NINL: variants seen among roughly 807,000 people sequenced by gnomAD.
The protein encoded by NINL is ninein-like protein.
A neutral mutation model predicts 160.3 loss-of-function variants in NINL; 153 were observed. The observed-to-expected ratio is 0.95, with a 90% confidence interval of 0.84 to 1.09. The LOEUF (loss-of-function observed/expected upper bound fraction) is 1.09, where lower values mean the gene tolerates loss of function less well. Ranked by LOEUF, NINL falls within the 50% of genes least tolerant of loss-of-function variation. The probability of loss-of-function intolerance (pLI) is 0.00; values close to 1 mark genes in which losing one functional copy is unlikely to be tolerated. For synonymous variants in NINL, 800 were observed against 734.8 expected (o/e 1.09, Z -1.43); for missense variants, 1,829 against 1,764.0 (o/e 1.04, Z -0.66).
At chr20:25,472,324 G>GATAGAT (rs1555845880) in intron 17 of NINL, among the ~76,000 whole-genome samples, 7 of 83,982 alleles carry the variant, frequency 8.3e-5, no homozygotes, top group Non-Finnish European at 1.6e-4. Context: ...GGGAGGAGAG[G>GATAGAT]ATATATATAT....
At chr20:25,568,818 G>A (rs978627495) in intron 1 of NINL, among the ~76,000 whole-genome samples, 31 of 152,040 alleles carry the variant, frequency 2.0e-4, no homozygotes, top group African/African-American at 6.5e-4. Flanking sequence ...TGAGTGTGGT[G>A]GCTCATCCCT....
At position 25,569,184 on chromosome 20, in the gene NINL, C is replaced by T. The variant is rs186516851; in HGVS notation, c.-12+16271G>A. Among the ~76,000 whole-genome samples the T allele has an allele frequency of 3.5e-3, 528 of 148,760 alleles. 4 individuals carry two copies. Among genetic ancestry groups the T allele is most frequent in the African/African-American group, 0.013 (505 of 40,342 alleles). On this transcript the variant is annotated intron_variant, in intron 1 of 23. Coordinates refer to ENST00000278886, the MANE Select transcript of NINL (RefSeq NM_025176.6). ...TGGAGGTTGCAGTGAGCCAGGATAG[C>T]GCCACTACACTCCAGCCTGGGTGAC... is the stretch of plus-strand genomic sequence containing the variant.
chr20:25,574,623 G>A (rs916565649), intron 1 of NINL, among the ~76,000 whole-genome samples: 2 of 152,148 alleles, frequency 1.3e-5, no homozygotes, highest in Admixed American at 1.3e-4. Flanking sequence ...CCTCCTGTTG[G>A]ACCTTCTGGG....
At chr20:25,562,735 A>G (rs929618068) in intron 1 of NINL, among the ~76,000 whole-genome samples, 8 of 151,250 alleles carry the variant, frequency 5.3e-5, no homozygotes, top group Non-Finnish European at 1.2e-4. Flanking sequence ...GACCCTGCCA[A>G]ATCCCCCTCT....
At chr20:25,568,383 T>C (rs928507930) in intron 1 of NINL, among the ~76,000 whole-genome samples, 1 of 151,672 alleles carries the variant, frequency 6.6e-6, no homozygotes, top group African/African-American at 2.4e-5. Context: ...AATTCAACAG[T>C]TTAGATTAAA....
In NINL at chr20:25,489,314, T is replaced by C. The variant is rs1297243272; in HGVS notation, c.1607A>G (p.Gln536Arg). The C allele has an allele frequency of 3.7e-6, 6 of 1,613,830 alleles. No homozygotes were observed. The highest frequency in any genetic ancestry group is 5.1e-6 in the Non-Finnish European group (6 of 1,179,978). Residue 536 changes from glutamine to arginine, a missense_variant, in exon 13 of 24, where the codon CAG (glutamine) becomes CGG (arginine). Gln to Arg is a conservative substitution (Grantham distance 43). Transcript: ENST00000278886. ...CTCCTGGGCCAGGAGCTCTGCACTC[T>C]GTGGCTCCAGCTGAAAGGCAGACAC... ...EFVLKDKLEPQSAELLAQEER... is the reference protein window; with the variant it reads ...EFVLKDKLEPRSAELLAQEER...
rs1363352632 is a variant in NINL, at chr20:25,571,425, T to C, written c.-12+14030A>G. ...CTCCTCGAAGGAGCCTGCTGGGAGG[T>C]TGTGATAAGAGAACTCAGTGCACAC... On this transcript the variant is annotated intron_variant, in intron 1 of 23. Transcript: ENST00000278886. Among the ~76,000 whole-genome samples the C allele has an allele frequency of 2.0e-5, 3 of 151,346 alleles. No individual in the cohort carries two copies. In the East Asian group the frequency reaches 5.8e-4, roughly 29 times the overall value.
chr20:25,503,953 T>C lies in NINL; in HGVS notation c.860A>G (p.Gln287Arg), dbSNP rs1445943667. Residue 287 changes from glutamine to arginine, a missense_variant and splice_region_variant, in exon 7 of 24, where the codon CAG (glutamine) becomes CGG (arginine). Transcript: ENST00000278886. ...CAGGATTTAACTGTTGCATTTTACC[T>C]GGTAATGAGACCAAGCCTTGCTCGG... ...VKPSKAWSHY[Q>R]VPEESGCHTT... 6.2e-7 allele frequency: 1 copy of C among 1,614,122 alleles called. No individual in the cohort carries two copies.
chr20:25,520,572 T>G (rs2064245259), intron 2 of NINL, among the ~76,000 whole-genome samples: 1 of 152,240 alleles, frequency 6.6e-6, no homozygotes, highest in African/African-American at 2.4e-5. Flanking sequence ...TTGGGTGTCT[T>G]TGCCTCTGTA....
intron 9 of NINL, among the ~76,000 whole-genome samples, chr20:25,497,549 G>C (rs1568914347): frequency 3.3e-5 from 5 of 152,240 alleles, no homozygotes; most frequent in Admixed American, 3.3e-4. Flanking sequence ...TGCAGCTTCA[G>C]AACATTGACA....
rs1225999814 is a variant in NINL, at chr20:25,562,073, T to TG, written c.-12+23381dup. Among the ~76,000 whole-genome samples the TG allele has an allele frequency of 4.6e-3, 497 of 107,068 alleles. 6 individuals carry two copies. Among genetic ancestry groups the TG allele is most frequent in the African/African-American group, 0.016 (438 of 26,934 alleles). 70.2% of individuals were successfully genotyped at this position (107,068 alleles called of 152,430 possible). On this transcript the variant is annotated intron_variant, in intron 1 of 23. Transcript: ENST00000278886. ...CCAGCCGCCCCGTCCGGGAGGCAGG[T>TG]GGGGGGGTCAGCCCCCCGCCCAGCC...
At chr20:25,534,452 T>C (rs537975650) in intron 1 of NINL, among the ~76,000 whole-genome samples, 30 of 152,312 alleles carry the variant, frequency 2.0e-4, no homozygotes, top group African/African-American at 7.2e-4. Flanking sequence ...TGAAAATGTG[T>C]TGTTAGGTGA....
intron 1 of NINL, among the ~76,000 whole-genome samples, chr20:25,566,241 C>T (rs761796680): frequency 5.3e-5 from 8 of 152,078 alleles, no homozygotes; most frequent in Non-Finnish European, 8.8e-5. Flanking sequence ...AAAATGGACA[C>T]GGGAGGAATA....
intron 19 of NINL, among the ~76,000 whole-genome samples, chr20:25,465,386 C>T (rs1264988651): frequency 6.6e-6 from 1 of 152,178 alleles, no homozygotes; most frequent in Non-Finnish European, 1.5e-5. Context: ...AACACTTGCC[C>T]ATCAGAGAAG....
At chr20:25,457,790 T>G (rs925735260) in intron 22 of NINL, among the ~76,000 whole-genome samples, 2 of 152,246 alleles carry the variant, frequency 1.3e-5, no homozygotes, top group African/African-American at 4.8e-5. Context: ...AGGGCACAGC[T>G]GTGCTGGGGA....
At chr20:25,490,395 C>T (rs2063601985) in intron 11 of NINL, among the ~76,000 whole-genome samples, 1 of 151,996 alleles carries the variant, frequency 6.6e-6, no homozygotes, top group African/African-American at 2.4e-5. Context: ...CCCATCTCTA[C>T]TAAAAATACA....
Position 25,517,777 on chromosome 20 carries a change from C to T in NINL, c.253G>A (p.Glu85Lys), listed in dbSNP as rs761199007. ...SSNAGVRPSD[E>K]DSSSLESAAS... ...CCTGATTCCAAAGAACTACTGTCTT[C>T]ATCTGAGGGGCGAACACCAGCATTT... The change falls in exon 3 of 24, where the codon GAA (glutamate) becomes AAA (lysine). Residue 85 changes from glutamate (E) to lysine (K), a missense_variant. By Grantham distance (56) the Glu-to-Lys change is moderately conservative. Transcript: ENST00000278886. 1.9e-6 allele frequency: 3 copies of T among 1,605,820 alleles called. No individual in the cohort carries two copies. The highest frequency in any genetic ancestry group is 1.3e-5 in the African/African-American group (1 of 74,356).
intron 10 of NINL, among the ~76,000 whole-genome samples, chr20:25,495,537 G>A (rs550026252): frequency 6.1e-4 from 93 of 152,278 alleles, no homozygotes; most frequent in Non-Finnish European, 1.1e-3. Flanking sequence ...CTGCAGCCTC[G>A]GGCAGACCTC....
Position 25,477,071 on chromosome 20 carries a change from C to T in NINL, c.2220G>A (p.Glu740=). The T allele has an allele frequency of 6.3e-7, 1 of 1,596,274 alleles. No individual in the cohort carries two copies. The highest frequency in any genetic ancestry group is 8.5e-7 in the Non-Finnish European group (1 of 1,178,764). ...CCAGCCCCGACAGCTCTCCACTCAG[C>T]TCCGCCTCAGCCTCTCTCCTGTGGA... is the stretch of plus-strand genomic sequence containing the variant. ...LQQIRREAEA[E]LSGELSGLGA... Residue 740 remains glutamate, a synonymous_variant, in exon 17 of 24, where the codon GAG becomes GAA. Transcript: ENST00000278886.
Sources: gnomAD v4.1 joint callset for allele counts (sites outside exome capture counted in the v4.1 genomes callset) on GRCh38, gnomAD v4.1.1 for gene constraint, MANE v1.5 for transcripts, NCBI Gene and HGNC (gene_info 2026-07-23, HGNC 2026-07-21) for gene names.